SLC10A7: variants seen among roughly 807,000 people sequenced by gnomAD.
SLC10A7 encodes the protein sodium/bile acid cotransporter 7.
Under a neutral mutation model 43.2 loss-of-function variants are expected in SLC10A7, and 29 were observed. The ratio of observed to expected loss-of-function variants is 0.67; its 90% CI spans 0.50 to 0.92. The LOEUF is 0.92. SLC10A7 is among the 40% of genes least tolerant of loss of function. The pLI, the probability that SLC10A7 is intolerant of heterozygous loss-of-function variation, is 0.00. For missense variants in SLC10A7, 295 were observed against 403.2 expected, an observed-to-expected ratio of 0.73 and a Z score of 2.30; for synonymous variants, 152 against 144.8, an observed-to-expected ratio of 1.05 and a Z score of -0.35.
chr4:146,257,574 C>T (rs906278472), intron 11 of SLC10A7, among the ~76,000 whole-genome samples: 2 of 152,132 alleles, frequency 1.3e-5, no homozygotes, highest in Admixed American at 1.3e-4. Context: ...ATTTCCTAAC[C>T]CATAAAATGG....
chr4:146,344,950 C>T (rs953901576), intron 5 of SLC10A7, among the ~76,000 whole-genome samples: 1 of 152,108 alleles, frequency 6.6e-6, no homozygotes, highest in Non-Finnish European at 1.5e-5. Context: ...TGGTCGTCAG[C>T]AAATTTTAAG....
At chr4:146,507,427 G>A (rs1393585958) in intron 3 of SLC10A7, among the ~76,000 whole-genome samples, 1 of 152,126 alleles carries the variant, frequency 6.6e-6, no homozygotes, top group African/African-American at 2.4e-5. Context: ...GGGCATGGTG[G>A]CGGGCACCTG....
chr4:146,499,995 G>C (rs1272529941), intron 4 of SLC10A7, among the ~76,000 whole-genome samples: 1 of 152,022 alleles, frequency 6.6e-6, no homozygotes, highest in African/African-American at 2.4e-5. Flanking sequence ...ACCTCTTGAG[G>C]GAATCACCAT....
intron 5 of SLC10A7, among the ~76,000 whole-genome samples, chr4:146,434,155 G>A (rs1167245901): frequency 6.6e-6 from 1 of 152,066 alleles, no homozygotes; most frequent in African/African-American, 2.4e-5. Context: ...GGAAAAAGCA[G>A]AAAATAAGAT....
chr4:146,409,202 T>G (rs141611973), intron 5 of SLC10A7, among the ~76,000 whole-genome samples: 2 of 151,916 alleles, frequency 1.3e-5, no homozygotes, highest in African/African-American at 4.8e-5. Context: ...GTCAAAAACA[T>G]CAACCAGTGT....
At chr4:146,294,698 A>G (rs1000397885) in intron 7 of SLC10A7, among the ~76,000 whole-genome samples, 1 of 152,230 alleles carries the variant, frequency 6.6e-6, no homozygotes, top group African/African-American at 2.4e-5. Context: ...CCAAAGACAA[A>G]TGCCATTTGC....
chr4:146,449,668 C>T (rs1438650400), intron 4 of SLC10A7, among the ~76,000 whole-genome samples: 3 of 151,276 alleles, frequency 2.0e-5, no homozygotes, highest in Non-Finnish European at 4.4e-5. Flanking sequence ...AAACACAAAC[C>T]ACCACCACCA....
At chr4:146,464,481 C>T (rs905455686) in intron 4 of SLC10A7, among the ~76,000 whole-genome samples, 1 of 151,792 alleles carries the variant, frequency 6.6e-6, no homozygotes, top group Non-Finnish European at 1.5e-5. Flanking sequence ...ATATACCATA[C>T]AAGAACATAA....
chr4:146,473,101 CT>C (rs1239975421), intron 4 of SLC10A7, among the ~76,000 whole-genome samples: 3 of 152,180 alleles, frequency 2.0e-5, no homozygotes, highest in Non-Finnish European at 4.4e-5. Context: ...ACTAATGTCT[CT>C]TTTAAATGTA....
chr4:146,515,466 T>C (rs531628327), intron 2 of SLC10A7, among the ~76,000 whole-genome samples: 7 of 152,298 alleles, frequency 4.6e-5, no homozygotes, highest in African/African-American at 1.7e-4. Flanking sequence ...ATCAATATTG[T>C]TTACCAAAAT....
intron 9 of SLC10A7, among the ~76,000 whole-genome samples, chr4:146,286,897 G>GAA: frequency 6.6e-6 from 1 of 152,160 alleles, no homozygotes; most frequent in African/African-American, 2.4e-5. Flanking sequence ...TGCGTTTGGA[G>GAA]TGGTGAGAAG....
chr4:146,473,489 C>A (rs1028767503), intron 4 of SLC10A7, among the ~76,000 whole-genome samples: 13 of 152,114 alleles, frequency 8.5e-5, no homozygotes, highest in African/African-American at 3.1e-4. Flanking sequence ...ATAAGATCAT[C>A]TTTAAAACAC....
chr4:146,301,465 C>T (rs763224934), intron 7 of SLC10A7, among the ~76,000 whole-genome samples: 34 of 151,822 alleles, frequency 2.2e-4, no homozygotes, highest in Admixed American at 1.2e-3. Context: ...CAGGAAGGCA[C>T]GAGCAAGTTT....
chr4:146,451,474 C>T (rs879156647), intron 4 of SLC10A7, among the ~76,000 whole-genome samples: 1 of 151,980 alleles, frequency 6.6e-6, no homozygotes, highest in African/African-American at 2.4e-5. Context: ...ATGCAAAAAT[C>T]CTCAACAACA....
chr4:146,448,062 T>C (rs1731260439), intron 4 of SLC10A7, among the ~76,000 whole-genome samples: 1 of 151,864 alleles, frequency 6.6e-6, no homozygotes, highest in Non-Finnish European at 1.5e-5. Context: ...CATCAGGGAC[T>C]GTTGTGGGGT....
chr4:146,324,638 T>C (rs1732979243), intron 6 of SLC10A7, among the ~76,000 whole-genome samples: 1 of 152,102 alleles, frequency 6.6e-6, no homozygotes, highest in Admixed American at 6.5e-5. Flanking sequence ...CAGGCCTGCA[T>C]CCTGTGCCCA....
intron 4 of SLC10A7, among the ~76,000 whole-genome samples, chr4:146,467,452 TAAAC>T (rs1341382149): frequency 2.2e-5 from 2 of 89,938 alleles, no homozygotes; most frequent in Admixed American, 2.6e-4. Flanking sequence ...AAAGCAGGTT[TAAAC>T]ACACACACAC....
At chr4:146,351,721 G>T (rs1402412817) in intron 5 of SLC10A7, among the ~76,000 whole-genome samples, 3 of 148,506 alleles carry the variant, frequency 2.0e-5, no homozygotes. Flanking sequence ...AGAGAGTGGG[G>T]GCCAATATTC....
At chr4:146,516,750 C>T (rs1028721387) in intron 2 of SLC10A7, among the ~76,000 whole-genome samples, 2 of 151,972 alleles carry the variant, frequency 1.3e-5, no homozygotes, top group African/African-American at 4.8e-5. Context: ...CTGTAGTTAC[C>T]ACCATAAGTT....
Sources: allele counts gnomAD v4.1 joint callset (sites outside exome capture counted in the v4.1 genomes callset), GRCh38; gene constraint gnomAD v4.1.1; transcripts MANE v1.5; gene names NCBI Gene and HGNC (gene_info 2026-07-23, HGNC 2026-07-21).